Variants in CDNF observed in about 807,000 individuals in gnomAD.
CDNF encodes ARMET-like protein 1.
In CDNF, 9 loss-of-function variants were observed where a neutral mutation model predicts 14.8. That is an observed-to-expected ratio of 0.61 (90% confidence interval 0.37 to 1.06). The LOEUF (loss-of-function observed/expected upper bound fraction) is 1.06. Ranked by LOEUF, CDNF falls within the 50% of genes least tolerant of loss-of-function variation. The probability of loss-of-function intolerance (pLI) is 0.01; values close to 1 mark genes in which losing one functional copy is unlikely to be tolerated. For synonymous variants in CDNF, 86 were observed against 87.2 expected, an observed-to-expected ratio of 0.99 and a Z score of 0.07; for missense variants, 228 against 228.4, an observed-to-expected ratio of 1.00 and a Z score of 0.01.
intron 3 of CDNF, among the ~76,000 whole-genome samples, chr10:14,820,502 G>A (rs889064060): frequency 2.6e-5 from 4 of 152,106 alleles, no homozygotes; most frequent in Non-Finnish European, 5.9e-5. Flanking sequence ...TGAGGCGGGA[G>A]GATTGCCTGA....
intron 1 of CDNF, chr10:14,836,227 G>A (rs948884852): frequency 3.3e-5 from 5 of 152,220 alleles, no homozygotes; most frequent in African/African-American, 1.2e-4. Context: ...AGAGCTGGAT[G>A]CAGAATCTGG....
chr10:14,819,892 T>C lies in CDNF; in HGVS notation c.*88A>G. 2 of 1,297,706 alleles carry C rather than the reference T, an allele frequency of 1.5e-6. No homozygotes were observed. Among genetic ancestry groups the C allele is most frequent in the Non-Finnish European group, 2.1e-6 (2 of 939,942 alleles). 80.4% of individuals were successfully genotyped at this position (1,297,706 alleles called of 1,614,324 possible). On this transcript the variant is annotated 3_prime_UTR_variant, in exon 4 of 4. Transcript: ENST00000465530. Reference sequence around the variant, plus strand: ...AAAGCATGAGACCAAATATGATGCATTCCCAGTTATCCTTAATCAACATGT... The same window carrying C: ...AAAGCATGAGACCAAATATGATGCACTCCCAGTTATCCTTAATCAACATGT...
At chr10:14,826,008 CAGAAGCAGAAGAAGAAGAAGGAGAAGA>C (rs1564313191) in intron 2 of CDNF, among the ~76,000 whole-genome samples, 7 of 84,974 alleles carry the variant, frequency 8.2e-5, no homozygotes, top group African/African-American at 3.9e-4. Flanking sequence ...GCAGAAGAAG[CAGAAGCAGAAGAAGAAGAAGGAGAAGA>C]AGAAGAAGAA....
chr10:14,821,837 C>A (rs1030588848), intron 3 of CDNF, among the ~76,000 whole-genome samples: 11 of 152,166 alleles, frequency 7.2e-5, no homozygotes, highest in African/African-American at 2.7e-4. Flanking sequence ...AAAAGGCAAT[C>A]GGTTCCTTTG....
At position 14,837,973 on chromosome 10, in the gene CDNF, C is replaced by T. The variant is rs1323366606; in HGVS notation, c.-27G>A. The T allele has an allele frequency of 2.6e-6, 4 of 1,520,758 alleles. No homozygotes were observed. Among genetic ancestry groups the T allele is most frequent in the South Asian group, 2.4e-5 (2 of 84,804 alleles). The allele number at this position is 1,520,758 out of a possible 1,614,324, so 94.2% of individuals were successfully genotyped here. A position where few individuals can be genotyped will look rare whatever the true frequency, so the allele number is the denominator to read the frequency against. ...CTGGGCCAGCAGCTTCAATCGCCTC[C>T]GCCACCCGCGCCCACCGCCCACCAA... is the stretch of plus-strand genomic sequence containing the variant. On this transcript the variant is annotated 5_prime_UTR_variant, in exon 1 of 4. Transcript: ENST00000465530.
At chr10:14,828,338 C>T in intron 1 of CDNF, 66 bp from the exon 2 acceptor site, 4 of 1,501,352 alleles carry the variant, frequency 2.7e-6, no homozygotes, top group Non-Finnish European at 3.7e-6. Context: ...TGCATATGAC[C>T]CACTAACCAC....
At chr10:14,826,083 AAGAAGAAGAAGAAGCAGCAGCAGC>A (rs1564313404) in intron 2 of CDNF, among the ~76,000 whole-genome samples, 1 of 140,114 alleles carries the variant, frequency 7.1e-6, no homozygotes, top group African/African-American at 2.8e-5. Context: ...GAAGAAGAAG[AAGAAGAAGAAGAAGCAGCAGCAGC>A]AGCAGCAGCA....
chr10:14,826,023 A>C (rs1432462061), intron 2 of CDNF, among the ~76,000 whole-genome samples: 16 of 115,892 alleles, frequency 1.4e-4, no homozygotes, highest in African/African-American at 6.4e-4. Context: ...GCAGAAGAAG[A>C]AGAAGGAGAA....
In CDNF at chr10:14,837,124, T is replaced by G. The variant is rs1374549123; in HGVS notation, c.115+708A>C. ...AAACATGGAGTGAGCGCTACAGGAGTCCAGAAGGAAGGGGCTAGCATAGCC... is the reference window on the plus strand; with the variant it reads ...AAACATGGAGTGAGCGCTACAGGAGGCCAGAAGGAAGGGGCTAGCATAGCC... On this transcript the variant is annotated intron_variant, in intron 1 of 3. Coordinates refer to ENST00000465530, the MANE Select transcript of CDNF (RefSeq NM_001029954.3). 5.3e-5 allele frequency among the ~76,000 whole-genome samples: 8 copies of G among 152,100 alleles called. No individual in the cohort carries two copies. The South Asian group carries it at 1.2e-3, about 24-fold the overall frequency.
chr10:14,821,148 G>A lies in CDNF; in HGVS notation c.386-990C>T, dbSNP rs558761684. 4.9e-3 allele frequency among the ~76,000 whole-genome samples: 726 copies of A among 149,658 alleles called. 1 individual carries two copies. The highest frequency in any genetic ancestry group is 0.012 in the South Asian group (56 of 4,740). ...TCTTTTTCTTTTTTTTTTTTGAGAC[G>A]GAGTCTCGCTTAGCCACCCAGGCTG... On this transcript the variant is annotated intron_variant, in intron 3 of 3. Transcript: ENST00000465530.
At chr10:14,826,029 G>GAGAAGGAGAAGGAGAAGAAGA (rs1554764000) in intron 2 of CDNF, among the ~76,000 whole-genome samples, 47 of 86,166 alleles carry the variant, frequency 5.5e-4, no homozygotes, top group African/African-American at 2.4e-3. Flanking sequence ...GAAGAAGAAG[G>GAGAAGGAGAAGGAGAAGAAGA]AGAAGAAGAA....
At chr10:14,822,995 C>T (rs1833750435) in intron 3 of CDNF, among the ~76,000 whole-genome samples, 1 of 152,198 alleles carries the variant, frequency 6.6e-6, no homozygotes, top group South Asian at 2.1e-4. Context: ...TACTCCAACT[C>T]CACACTTATC....
intron 1 of CDNF, 33 bp downstream of exon 1, chr10:14,837,796 GGCC>G: frequency 7.5e-7 from 1 of 1,332,908 alleles, no homozygotes; most frequent in South Asian, 1.3e-5. Context: ...CGCAGCGCGG[GGCC>G]GCCGCCATGC....
chr10:14,832,917 C>T (rs1215440969), intron 1 of CDNF, among the ~76,000 whole-genome samples: 1 of 139,110 alleles, frequency 7.2e-6, no homozygotes, highest in Non-Finnish European at 1.5e-5. Context: ...TGGAGTGCAG[C>T]GGTGCCATTT....
chr10:14,837,981 G>C lies in CDNF; in HGVS notation c.-35C>G. ...GCAGCTTCAATCGCCTCCGCCACCCGCGCCCACCGCCCACCAAGCTGCCAA... is the reference window on the plus strand; with the variant it reads ...GCAGCTTCAATCGCCTCCGCCACCCCCGCCCACCGCCCACCAAGCTGCCAA... On this transcript the variant is annotated 5_prime_UTR_variant, in exon 1 of 4. Coordinates refer to ENST00000465530, the MANE Select transcript of CDNF (RefSeq NM_001029954.3). The C allele has an allele frequency of 6.7e-6, 10 of 1,481,828 alleles. No homozygotes were observed. Among genetic ancestry groups the C allele is most frequent in the Non-Finnish European group, 9.2e-6 (10 of 1,086,784 alleles). 91.8% of individuals were successfully genotyped at this position (1,481,828 alleles called of 1,614,324 possible). A position where few individuals can be genotyped will look rare whatever the true frequency, so the allele number is the denominator to read the frequency against.
intron 1 of CDNF, among the ~76,000 whole-genome samples, chr10:14,833,606 T>A (rs1346062986): frequency 1.3e-5 from 2 of 151,980 alleles, no homozygotes; most frequent in Non-Finnish European, 2.9e-5. Flanking sequence ...TAATATAACA[T>A]CCAACTGGAA....
chr10:14,819,917 T>C lies in CDNF; in HGVS notation c.*63A>G. ...TTCCCAGTTATCCTTAATCAACATG[T>C]CCATATCCTAGAGAGTCACTTTTCT... On this transcript the variant is annotated 3_prime_UTR_variant, in exon 4 of 4. Transcript: ENST00000465530. The C allele has an allele frequency of 1.4e-6, 2 of 1,468,274 alleles. No homozygotes were observed. Among genetic ancestry groups the C allele is most frequent in the South Asian group, 1.3e-5 (1 of 79,920 alleles). The allele number at this position is 1,468,274 out of a possible 1,614,324, so 91.0% of individuals were successfully genotyped here.
chr10:14,831,702 G>A (rs914256822), intron 1 of CDNF, among the ~76,000 whole-genome samples: 2 of 151,904 alleles, frequency 1.3e-5, no homozygotes, highest in Non-Finnish European at 2.9e-5. Context: ...AGACTCCTGA[G>A]TAGCTGGGAC....
chr10:14,831,776 A>C (rs1009032546), intron 1 of CDNF, among the ~76,000 whole-genome samples: 3 of 152,064 alleles, frequency 2.0e-5, no homozygotes, highest in African/African-American at 7.2e-5. Flanking sequence ...GGGTTTCACC[A>C]TGTTGGCCAG....
Sources: allele counts gnomAD v4.1 joint callset (sites outside exome capture counted in the v4.1 genomes callset), GRCh38; gene constraint gnomAD v4.1.1; transcripts MANE v1.5; gene names NCBI Gene and HGNC (gene_info 2026-07-23, HGNC 2026-07-21).